TSNARE1: variants seen among roughly 807,000 people sequenced by gnomAD.
TSNARE1 encodes the protein t-SNARE domain containing 1, also known as t-SNARE domain-containing protein 1.
A neutral mutation model predicts 62.0 loss-of-function variants in TSNARE1; 49 were observed. That is an observed-to-expected ratio of 0.79 (90% CI 0.63 to 1.00). TSNARE1 has a LOEUF of 1.00. Among genes scored for constraint, TSNARE1 ranks in the 50% least tolerant of loss-of-function variants. The pLI, the probability that TSNARE1 is intolerant of heterozygous loss-of-function variation, is 0.00. For missense variants in TSNARE1, 755 were observed against 700.1 expected (o/e 1.08, Z -0.88); for synonymous variants, 328 against 294.4 (o/e 1.11, Z -1.17).
chr8:142,279,442 AG>A (rs1355711787), intron 11 of TSNARE1, among the ~76,000 whole-genome samples: 4 of 152,134 alleles, frequency 2.6e-5, no homozygotes, highest in African/African-American at 9.7e-5. Flanking sequence ...GCCCCTCACC[AG>A]GCACTGGTCC....
At chr8:142,282,221 C>G (rs1049678782) in intron 11 of TSNARE1, among the ~76,000 whole-genome samples, 3 of 152,196 alleles carry the variant, frequency 2.0e-5, no homozygotes, top group African/African-American at 4.8e-5. Context: ...CTACACCCCC[C>G]CAGCACGGGT....
At chr8:142,280,297 T>C (rs2130768765) in intron 11 of TSNARE1, 1 of 985,356 alleles carries the variant, frequency 1.0e-6, no homozygotes, top group South Asian at 4.7e-5. Context: ...GCAGCTCTGC[T>C]GGCAGATGGC....
chr8:142,371,992 T>G (rs932539420), intron 1 of TSNARE1, among the ~76,000 whole-genome samples: 1 of 152,162 alleles, frequency 6.6e-6, no homozygotes, highest in Non-Finnish European at 1.5e-5. Context: ...TCTGGCCCTT[T>G]CCAGGAAATG....
chr8:142,354,513 A>C (rs1586987135), intron 2 of TSNARE1, 124 bp downstream of exon 2: 1 of 677,628 alleles, frequency 1.5e-6, no homozygotes, highest in Non-Finnish European at 2.5e-6. Context: ...CCATCTCAGG[A>C]CACAGGCCAC....
chr8:142,331,639 T>C, intron 5 of TSNARE1, 115 bp downstream of exon 5: 1 of 1,006,142 alleles, frequency 9.9e-7, no homozygotes, highest in Middle Eastern at 2.1e-4. Context: ...AACCCGGGAC[T>C]GCACCGCAGG....
chr8:142,388,160 G>A (rs1420154723), intron 1 of TSNARE1, among the ~76,000 whole-genome samples: 1 of 151,980 alleles, frequency 6.6e-6, no homozygotes, highest in East Asian at 1.9e-4. Context: ...AAAATCATAT[G>A]ATCACCCCAT....
chr8:142,329,835 G>C (rs1326796843), intron 6 of TSNARE1, among the ~76,000 whole-genome samples: 1 of 152,100 alleles, frequency 6.6e-6, no homozygotes. Context: ...TTTTATAAAA[G>C]AGCTTAAAAA....
intron 9 of TSNARE1, among the ~76,000 whole-genome samples, chr8:142,307,909 G>A (rs1006378419): frequency 1.3e-5 from 2 of 152,196 alleles, no homozygotes; most frequent in African/African-American, 4.8e-5. Flanking sequence ...ACTCATGTTT[G>A]CTCTAGTTAT....
chr8:142,292,159 C>T (rs1360870650), intron 10 of TSNARE1, among the ~76,000 whole-genome samples: 1 of 152,140 alleles, frequency 6.6e-6, no homozygotes, highest in Non-Finnish European at 1.5e-5. Context: ...TACATCCCAG[C>T]CAGTAGCCAG....
At chr8:142,289,475 C>T (rs985795351) in intron 10 of TSNARE1, among the ~76,000 whole-genome samples, 1 of 152,202 alleles carries the variant, frequency 6.6e-6, no homozygotes, top group Non-Finnish European at 1.5e-5. Context: ...GGGGATCTCA[C>T]GGAACCAACT....
chr8:142,285,815 T>C (rs1822643384), intron 10 of TSNARE1, among the ~76,000 whole-genome samples: 1 of 152,122 alleles, frequency 6.6e-6, no homozygotes, highest in Non-Finnish European at 1.5e-5. Flanking sequence ...CCTAACTCCT[T>C]TTTCCCAGTT....
rs1286343680 is a variant in TSNARE1 at position 142,271,249 on chromosome 8, T to A, written c.1446+3532A>T. ...GTGAGGCTTCCCGGGTAGGGCGTGC[T>A]TCCACCAGCCTCTCGAGGGTCCGGT... On this transcript the variant is annotated intron_variant, in intron 12 of 13. Transcript: ENST00000524325. 3.9e-6 allele frequency: 4 copies of A among 1,022,930 alleles called. No individual in the cohort carries two copies. The African/African-American group carries it at 6.8e-5, about 17-fold the overall frequency. The allele number at this position is 1,022,930 out of a possible 1,614,324, so 63.4% of individuals were successfully genotyped here.
At chr8:142,218,500 C>T (rs1816053805) in intron 13 of TSNARE1, among the ~76,000 whole-genome samples, 1 of 152,212 alleles carries the variant, frequency 6.6e-6, no homozygotes, top group Non-Finnish European at 1.5e-5. Flanking sequence ...CTGCCAATGT[C>T]CCTCAGACAT....
intron 13 of TSNARE1, among the ~76,000 whole-genome samples, chr8:142,226,596 T>C (rs956615562): frequency 6.6e-5 from 10 of 152,116 alleles, no homozygotes; most frequent in Admixed American, 2.6e-4. Flanking sequence ...GGCAACCCAC[T>C]CTGCTCAGCC....
At chr8:142,273,686 C>A in intron 12 of TSNARE1, 3 of 985,414 alleles carry the variant, frequency 3.0e-6, no homozygotes, top group South Asian at 9.4e-5. Flanking sequence ...CTCCCCGTTA[C>A]CACACACTCC....
intron 2 of TSNARE1, among the ~76,000 whole-genome samples, chr8:142,349,107 G>A (rs1833760260): frequency 6.6e-6 from 1 of 152,114 alleles, no homozygotes; most frequent in Non-Finnish European, 1.5e-5. Flanking sequence ...AGCCAGGCTC[G>A]CCCCCATGCC....
intron 12 of TSNARE1, among the ~76,000 whole-genome samples, chr8:142,245,294 G>A (rs1817842159): frequency 6.6e-6 from 1 of 152,184 alleles, no homozygotes; most frequent in South Asian, 2.1e-4. Context: ...AAGCAACTGC[G>A]TCCCTGAGAC....
intron 13 of TSNARE1, among the ~76,000 whole-genome samples, chr8:142,217,874 C>CAGGATCAGGGTTCAGTGTGTGAG (rs1815971162): frequency 1.4e-4 from 4 of 28,160 alleles, no homozygotes; most frequent in Admixed American, 3.8e-4. Flanking sequence ...CAGTGTGTGG[C>CAGGATCAGGGTTCAGTGTGTGAG]CAGGATCAGG....
intron 10 of TSNARE1, among the ~76,000 whole-genome samples, chr8:142,288,536 C>T (rs556733384): frequency 2.6e-5 from 4 of 152,230 alleles, no homozygotes; most frequent in East Asian, 1.9e-4. Context: ...TCCAAGGCCC[C>T]GGGTCCTCCT....
Sources: allele counts gnomAD v4.1 joint callset (sites outside exome capture counted in the v4.1 genomes callset), GRCh38; gene constraint gnomAD v4.1.1; transcripts MANE v1.5; gene names NCBI Gene and HGNC (gene_info 2026-07-23, HGNC 2026-07-21).